Variants in SCHIP1 observed in about 807,000 individuals in gnomAD.
SCHIP1 encodes schwannomin-interacting protein 1.
A neutral mutation model predicts 29.7 loss-of-function variants in SCHIP1; 8 were observed. The ratio of observed to expected loss-of-function variants is 0.27; its 90% confidence interval spans 0.16 to 0.49. SCHIP1 has a LOEUF of 0.49. SCHIP1 is among the 20% of genes least tolerant of loss of function. The pLI is 0.99. For missense variants in SCHIP1, 193 were observed against 294.6 expected (o/e 0.66, Z 2.52); for synonymous variants, 76 against 94.9 (o/e 0.80, Z 1.16).
chr3:159,573,514 C>T, the SCHIP1 span, among the ~76,000 whole-genome samples: 3 of 152,274 alleles, frequency 2.0e-5, no homozygotes, highest in African/African-American at 7.2e-5. Context: ...GTGGGTAACT[C>T]GATCTTCCTC....
At chr3:159,459,916 G>A in the SCHIP1 span, among the ~76,000 whole-genome samples, 3,796 of 152,212 alleles carry the variant, frequency 0.025, 174 homozygotes, top group African/African-American at 0.086. Flanking sequence ...GGCCTCAGAA[G>A]AAACCAATCC....
chr3:159,760,900 T>G, the SCHIP1 span, among the ~76,000 whole-genome samples: 1 of 152,240 alleles, frequency 6.6e-6, no homozygotes, highest in African/African-American at 2.4e-5. Context: ...GTGAGAAGAT[T>G]AGCAATTAAA....
the SCHIP1 span, among the ~76,000 whole-genome samples, chr3:159,678,814 G>A: frequency 2.0e-5 from 3 of 152,172 alleles, no homozygotes; most frequent in African/African-American, 7.2e-5. Flanking sequence ...TTCACAGAGT[G>A]GCAGAAGACA....
At chr3:159,506,506 A>G in the SCHIP1 span, among the ~76,000 whole-genome samples, 1 of 152,148 alleles carries the variant, frequency 6.6e-6, no homozygotes, top group South Asian at 2.1e-4. Context: ...TTTTGTTGCC[A>G]TTGCTTTTGG....
the SCHIP1 span, among the ~76,000 whole-genome samples, chr3:159,614,776 T>C: frequency 6.6e-6 from 1 of 152,230 alleles, no homozygotes; most frequent in African/African-American, 2.4e-5. Context: ...AACTATGCAC[T>C]TGATCCCTAA....
At chr3:159,471,119 A>G in the SCHIP1 span, among the ~76,000 whole-genome samples, 2 of 152,132 alleles carry the variant, frequency 1.3e-5, no homozygotes, top group African/African-American at 4.8e-5. Context: ...CTAAATGAAC[A>G]ATAAAACAAC....
intron 6 of SCHIP1, chr3:159,893,515 T>A (rs556982247): frequency 2.0e-4 from 31 of 152,244 alleles, no homozygotes; most frequent in South Asian, 4.2e-4. Context: ...TACATTTTTT[T>A]AAAAAAATAT....
At chr3:159,380,430 T>C in the SCHIP1 span, among the ~76,000 whole-genome samples, 1 of 152,210 alleles carries the variant, frequency 6.6e-6, no homozygotes. Context: ...GCCACCCAAA[T>C]TCTAGACATG....
chr3:159,514,007 C>A, the SCHIP1 span, among the ~76,000 whole-genome samples: 5 of 152,182 alleles, frequency 3.3e-5, no homozygotes, highest in Admixed American at 1.3e-4. Context: ...GATAGTAATT[C>A]AGGTGCAAGA....
chr3:159,828,242 TAAG>T, the SCHIP1 span, among the ~76,000 whole-genome samples: 1 of 151,148 alleles, frequency 6.6e-6, no homozygotes, highest in Non-Finnish European at 1.5e-5. Flanking sequence ...ACACACCTAA[TAAG>T]AAGTGCAGTC....
the SCHIP1 span, among the ~76,000 whole-genome samples, chr3:159,515,553 A>T: frequency 1.3e-5 from 2 of 152,274 alleles, no homozygotes; most frequent in East Asian, 3.8e-4. Context: ...AATAAAATAT[A>T]TAGATTGCTT....
At chr3:159,531,704 A>G in the SCHIP1 span, among the ~76,000 whole-genome samples, 2 of 152,228 alleles carry the variant, frequency 1.3e-5, no homozygotes, top group Non-Finnish European at 2.9e-5. Context: ...ATCCTTGCCT[A>G]AGAGCAAAGA....
the SCHIP1 span, among the ~76,000 whole-genome samples, chr3:159,624,144 T>C: frequency 1.3e-5 from 2 of 152,352 alleles, no homozygotes; most frequent in East Asian, 3.9e-4. Flanking sequence ...GGAATTGTGC[T>C]AAGCATTAGC....
the SCHIP1 span, among the ~76,000 whole-genome samples, chr3:159,438,685 A>G: frequency 1.3e-5 from 2 of 151,898 alleles, no homozygotes; most frequent in Non-Finnish European, 2.9e-5. Flanking sequence ...TGTTTCCCCC[A>G]TGTGTCCATA....
chr3:159,724,103 T>C, the SCHIP1 span, among the ~76,000 whole-genome samples: 1 of 152,232 alleles, frequency 6.6e-6, no homozygotes, highest in Non-Finnish European at 1.5e-5. Flanking sequence ...TTCATTGTCT[T>C]AAGTTGCATA....
chr3:159,729,796 A>G, the SCHIP1 span, among the ~76,000 whole-genome samples: 1 of 152,212 alleles, frequency 6.6e-6, no homozygotes, highest in Non-Finnish European at 1.5e-5. Context: ...TGTTGAAATC[A>G]CATATGGCAA....
the SCHIP1 span, among the ~76,000 whole-genome samples, chr3:159,342,565 A>G: frequency 6.6e-6 from 1 of 152,218 alleles, no homozygotes. Context: ...AGTTTTCATT[A>G]CATAACATTT....
chr3:159,388,727 A>G, the SCHIP1 span, among the ~76,000 whole-genome samples: 5 of 152,174 alleles, frequency 3.3e-5, no homozygotes, highest in Admixed American at 1.3e-4. Context: ...CAATAGATCA[A>G]TGATACAGAA....
At chr3:159,567,232 T>C in the SCHIP1 span, among the ~76,000 whole-genome samples, 3 of 152,210 alleles carry the variant, frequency 2.0e-5, no homozygotes. Context: ...AATTTTTACA[T>C]GTCCTAAATA....
Sources: allele counts gnomAD v4.1 joint callset (sites outside exome capture counted in the v4.1 genomes callset), GRCh38; gene constraint gnomAD v4.1.1; transcripts MANE v1.5; gene names NCBI Gene and HGNC (gene_info 2026-07-23, HGNC 2026-07-21).